ASAP1: variants seen among roughly 807,000 people sequenced by gnomAD.
ASAP1 encodes the protein arf-GAP with SH3 domain, ANK repeat and PH domain-containing protein 1.
ASAP1 carries 43 observed loss-of-function variants against 145.2 expected under a neutral mutation model. That is an observed-to-expected ratio of 0.30 (90% CI 0.23 to 0.38). ASAP1 has a LOEUF of 0.38. Among genes scored for constraint, ASAP1 ranks in the 10% least tolerant of loss-of-function variants. ASAP1 has a pLI of 1.00. For synonymous variants in ASAP1, 546 were observed against 515.5 expected (o/e 1.06, Z -0.80); for missense variants, 1,018 against 1,355.3 (o/e 0.75, Z 3.91).
intron 27 of ASAP1, 137 bp from the exon 28 acceptor site, chr8:130,061,206 G>T: frequency 2.0e-6 from 2 of 1,013,874 alleles, no homozygotes; most frequent in Non-Finnish European, 2.7e-6. Flanking sequence ...CAGGGGCCAG[G>T]CCCACCCAGG....
chr8:130,321,717 T>G (rs1824017283), intron 3 of ASAP1, among the ~76,000 whole-genome samples: 1 of 152,156 alleles, frequency 6.6e-6, no homozygotes, highest in Non-Finnish European at 1.5e-5. Context: ...GTTCTTCCAC[T>G]CCTCCCACTC....
chr8:130,251,604 C>A (rs1188925550), intron 3 of ASAP1, among the ~76,000 whole-genome samples: 1 of 151,732 alleles, frequency 6.6e-6, no homozygotes, highest in Non-Finnish European at 1.5e-5. Context: ...AAAACCAAGA[C>A]AAAAGAACTA....
intron 5 of ASAP1, among the ~76,000 whole-genome samples, chr8:130,212,358 A>G (rs1057178759): frequency 6.6e-6 from 1 of 152,008 alleles, no homozygotes; most frequent in Non-Finnish European, 1.5e-5. Flanking sequence ...CTTAAAGGGG[A>G]GTGGGTGTGG....
chr8:130,327,256 T>C (rs1433316935), intron 3 of ASAP1, among the ~76,000 whole-genome samples: 2 of 152,218 alleles, frequency 1.3e-5, no homozygotes, highest in Admixed American at 6.5e-5. Flanking sequence ...TGTCTTCCAA[T>C]GGCTCCGCTC....
intron 24 of ASAP1, among the ~76,000 whole-genome samples, chr8:130,096,022 G>A (rs2097517076): frequency 6.6e-6 from 1 of 152,138 alleles, no homozygotes; most frequent in African/African-American, 2.4e-5. Context: ...TGTGAAAAGG[G>A]ATATTCAAGT....
chr8:130,297,386 A>C (rs1822350964), intron 3 of ASAP1, among the ~76,000 whole-genome samples: 1 of 152,234 alleles, frequency 6.6e-6, no homozygotes, highest in Admixed American at 6.5e-5. Context: ...GTTTGGCTGA[A>C]GAAAATCCAC....
chr8:130,319,045 A>G (rs538241144), intron 3 of ASAP1, among the ~76,000 whole-genome samples: 34 of 152,368 alleles, frequency 2.2e-4, no homozygotes, highest in African/African-American at 8.2e-4. Flanking sequence ...TCACTCCTAT[A>G]ATCAGCACCA....
chr8:130,112,350 A>G (rs765084575), intron 23 of ASAP1, 28 bp from the exon 24 acceptor site: 1 of 1,600,026 alleles, frequency 6.2e-7, no homozygotes, highest in Non-Finnish European at 8.6e-7. Flanking sequence ...AAGGTGAGAT[A>G]ATAATCAAGG....
chr8:130,242,870 G>A (rs1352826023), intron 3 of ASAP1, among the ~76,000 whole-genome samples: 2 of 152,104 alleles, frequency 1.3e-5, no homozygotes, highest in African/African-American at 4.8e-5. Context: ...AATGTGTGCT[G>A]TTGACCTTCC....
chr8:130,122,035 C>T (rs2097567064), intron 18 of ASAP1, among the ~76,000 whole-genome samples: 1 of 152,108 alleles, frequency 6.6e-6, no homozygotes, highest in African/African-American at 2.4e-5. Context: ...CCTTGGGGCA[C>T]CCATATGACC....
chr8:130,396,426 C>T (rs138449279), intron 2 of ASAP1, among the ~76,000 whole-genome samples: 37 of 152,300 alleles, frequency 2.4e-4, no homozygotes, highest in African/African-American at 8.9e-4. Flanking sequence ...CACTTCCCAT[C>T]TCTCAGTTTA....
Position 130,264,114 on chromosome 8 carries a change from TC to T in ASAP1, c.187-27121del, listed in dbSNP as rs550767221. ...TCAACAGAGAGACACAACACACATG[TC>T]TTTCTTGAGTGCTACCTCCAGATAA... On this transcript the variant is annotated intron_variant, in intron 3 of 29. Coordinates refer to ENST00000518721, the MANE Select transcript of ASAP1 (RefSeq NM_018482.4). Among the ~76,000 whole-genome samples the T allele has an allele frequency of 9.8e-4, 149 of 152,340 alleles. 1 individual carries two copies. The highest frequency in any genetic ancestry group is 6.8e-3 in the Middle Eastern group (2 of 294).
intron 26 of ASAP1, among the ~76,000 whole-genome samples, chr8:130,076,624 C>G (rs928381540): frequency 3.3e-5 from 5 of 152,064 alleles, no homozygotes; most frequent in African/African-American, 1.2e-4. Flanking sequence ...TGGGTTCAAG[C>G]AATTCCCTGC....
chr8:130,148,123 T>C lies in ASAP1; in HGVS notation c.1080+4613A>G, dbSNP rs774683562. On this transcript the variant is annotated intron_variant, in intron 13 of 29. Coordinates refer to ENST00000518721, the MANE Select transcript of ASAP1 (RefSeq NM_018482.4). ...CTCTACCCTAAGACCCCTGACTAAT[T>C]CAAGGAGTATCAAGGTAAGGCCAAG... Among the ~76,000 whole-genome samples the C allele has an allele frequency of 5.3e-5, 8 of 152,246 alleles. No homozygotes were observed. The South Asian group carries it at 1.7e-3, about 32-fold the overall frequency.
chr8:130,058,138 G>A, intron 28 of ASAP1, 62 bp from the exon 29 acceptor site: 1 of 1,582,652 alleles, frequency 6.3e-7, no homozygotes. Flanking sequence ...AAGAGCAGCG[G>A]TTCTTTGTAA....
At chr8:130,352,815 T>A (rs1159760423) in intron 3 of ASAP1, among the ~76,000 whole-genome samples, 1 of 152,240 alleles carries the variant, frequency 6.6e-6, no homozygotes, top group African/African-American at 2.4e-5. Context: ...TGATACTGAA[T>A]CTACATTCTG....
chr8:130,318,508 C>G (rs1299490044), intron 3 of ASAP1, among the ~76,000 whole-genome samples: 3 of 152,222 alleles, frequency 2.0e-5, no homozygotes, highest in Non-Finnish European at 4.4e-5. Context: ...CGAACATCTC[C>G]TTTCATTTTC....
At chr8:130,332,367 A>G (rs553239563) in intron 3 of ASAP1, among the ~76,000 whole-genome samples, 1 of 152,328 alleles carries the variant, frequency 6.6e-6, no homozygotes, top group African/African-American at 2.4e-5. Context: ...CACCACCTGC[A>G]CTTTTTGAAT....
chr8:130,173,557 G>A (rs1813735410), intron 9 of ASAP1, among the ~76,000 whole-genome samples: 1 of 152,084 alleles, frequency 6.6e-6, no homozygotes, highest in African/African-American at 2.4e-5. Context: ...CTTGAGCCCA[G>A]GAGTTTGAGA....
Sources: allele counts gnomAD v4.1 joint callset (sites outside exome capture counted in the v4.1 genomes callset), GRCh38; gene constraint gnomAD v4.1.1; transcripts MANE v1.5; gene names NCBI Gene and HGNC (gene_info 2026-07-23, HGNC 2026-07-21).